The following ENAH variants were observed in gnomAD, a reference collection of about 807,000 sequenced individuals.
The protein encoded by ENAH is ENAH actin regulator.
A neutral mutation model predicts 78.7 loss-of-function variants in ENAH; 23 were observed. The ratio of observed to expected loss-of-function variants is 0.29; its 90% confidence interval spans 0.21 to 0.41. ENAH has a LOEUF of 0.41. Among genes scored for constraint, ENAH ranks in the 10% least tolerant of loss-of-function variants. ENAH has a pLI of 1.00. For missense variants in ENAH, 544 were observed against 691.0 expected (o/e 0.79, Z 2.39); for synonymous variants, 226 against 241.0 (o/e 0.94, Z 0.58).
At chr1:225,627,701 G>A (rs1273173722) in intron 1 of ENAH, among the ~76,000 whole-genome samples, 1 of 152,178 alleles carries the variant, frequency 6.6e-6, no homozygotes, top group Admixed American at 6.5e-5. Context: ...TACCTCCAGA[G>A]TTGTTAATGA....
intron 1 of ENAH, among the ~76,000 whole-genome samples, chr1:225,576,268 T>C (rs1461390372): frequency 2.2e-5 from 3 of 138,814 alleles, no homozygotes; most frequent in Non-Finnish European, 3.1e-5. Context: ...AGAGTGAGAC[T>C]CTGTCTCAAA....
At chr1:225,621,149 A>T (rs1203022748) in intron 1 of ENAH, among the ~76,000 whole-genome samples, 1 of 152,208 alleles carries the variant, frequency 6.6e-6, no homozygotes, top group Non-Finnish European at 1.5e-5. Context: ...CCACTTGCCT[A>T]ATCATCTTTT....
intron 4 of ENAH, chr1:225,524,572 GC>G (rs2096491192): frequency 8.1e-6 from 8 of 983,548 alleles, no homozygotes; most frequent in Non-Finnish European, 9.7e-6. Context: ...ATATTACAAA[GC>G]CGCTGAGGCA....
intron 1 of ENAH, among the ~76,000 whole-genome samples, chr1:225,616,763 C>T (rs1655780181): frequency 6.6e-6 from 1 of 152,108 alleles, no homozygotes; most frequent in South Asian, 2.1e-4. Context: ...TTTATGGTTA[C>T]TGAGTTTCTA....
intron 2 of ENAH, among the ~76,000 whole-genome samples, chr1:225,557,855 T>C (rs499385): frequency 0.91 from 138,267 of 152,244 alleles, 62,954 homozygotes; most frequent in African/African-American, 0.96. Context: ...AATAAATGAC[T>C]TTTCATGTAA....
Position 225,555,094 on chromosome 1 carries a change from A to G in ENAH, c.172-11T>C, listed in dbSNP as rs751581806. The G allele has an allele frequency of 7.3e-6, 11 of 1,507,280 alleles. No homozygotes were observed. Among genetic ancestry groups the G allele is most frequent in the Admixed American group, 1.8e-5 (1 of 56,120 alleles). 93.4% of individuals were successfully genotyped at this position (1,507,280 alleles called of 1,614,324 possible). On this transcript the variant is annotated splice_polypyrimidine_tract_variant and intron_variant, in intron 2 of 13. Transcript: ENST00000366843. ...ACAGTTTATCACGACCTAAAAAATA[A>G]TAATTCTTTATAAAGTCAAACCAAT... is the stretch of plus-strand genomic sequence containing the variant.
chr1:225,588,224 A>C (rs1028837919), intron 1 of ENAH, among the ~76,000 whole-genome samples: 1 of 152,204 alleles, frequency 6.6e-6, no homozygotes, highest in Non-Finnish European at 1.5e-5. Context: ...ATGCATACAT[A>C]GGCAAGGCAC....
At chr1:225,599,007 CTT>C (rs1287667806) in intron 1 of ENAH, among the ~76,000 whole-genome samples, 1 of 152,166 alleles carries the variant, frequency 6.6e-6, no homozygotes, top group Non-Finnish European at 1.5e-5. Flanking sequence ...AATAATCAAA[CTT>C]AATTTCGCAA....
intron 1 of ENAH, among the ~76,000 whole-genome samples, chr1:225,589,286 C>T (rs1024099523): frequency 6.6e-6 from 1 of 151,986 alleles, no homozygotes; most frequent in African/African-American, 2.4e-5. Flanking sequence ...CTGTGCATTC[C>T]GCTATATATA....
At chr1:225,551,929 T>G (rs976966655) in intron 3 of ENAH, among the ~76,000 whole-genome samples, 1 of 152,120 alleles carries the variant, frequency 6.6e-6, no homozygotes, top group South Asian at 2.1e-4. Flanking sequence ...AGAAAGACAG[T>G]AGATGATTTC....
At chr1:225,570,170 C>CAAA (rs397937817) in intron 1 of ENAH, among the ~76,000 whole-genome samples, 3 of 121,318 alleles carry the variant, frequency 2.5e-5, no homozygotes, top group African/African-American at 6.3e-5. Context: ...TGCTCCATCT[C>CAAA]AAAAAAAAAA....
At chr1:225,593,942 A>G (rs2096890273) in intron 1 of ENAH, among the ~76,000 whole-genome samples, 1 of 152,224 alleles carries the variant, frequency 6.6e-6, no homozygotes, top group African/African-American at 2.4e-5. Flanking sequence ...GACTACTGGA[A>G]CCTACTGAAG....
chr1:225,574,019 C>A (rs566549677), intron 1 of ENAH, among the ~76,000 whole-genome samples: 32 of 152,230 alleles, frequency 2.1e-4, no homozygotes, highest in Admixed American at 2.0e-3. Flanking sequence ...ATTAGCATCA[C>A]GTCTGTTATG....
At chr1:225,513,771 C>T (rs1346885207) in intron 7 of ENAH, among the ~76,000 whole-genome samples, 1 of 152,042 alleles carries the variant, frequency 6.6e-6, no homozygotes, top group Non-Finnish European at 1.5e-5. Flanking sequence ...GCGGGTGGAT[C>T]ACCTGAGGTC....
intron 1 of ENAH, among the ~76,000 whole-genome samples, chr1:225,569,962 TTGGGAGGCCAAGGCAGG>T (rs984284601): frequency 1.3e-5 from 2 of 151,996 alleles, no homozygotes; most frequent in Non-Finnish European, 2.9e-5. Context: ...TCCCAGCACT[TTGGGAGGCCAAGGCAGG>T]TGGATCACCT....
chr1:225,517,243 G>A lies in ENAH; in HGVS notation c.866C>T (p.Pro289Leu). ...SVLGDSSASE[P>L]GLQAASQPAE... is the part of the protein sequence containing the mutation. ...CGGCTGAGAGGCTGCCTGCAAGCCT[G>A]GCTCAGAAGCAGAAGAGTCTCCCAG... is the stretch of plus-strand genomic sequence containing the variant. Residue 289 changes from proline (P) to leucine (L), a missense_variant, in exon 6 of 14, where the codon CCA (proline) becomes CTA (leucine). Around this residue, in one of 4 missense-constraint regions of ENAH, gnomAD observed 366 missense variants for 396.1 expected, o/e 0.92. Coordinates refer to ENST00000366843, the MANE Select transcript of ENAH (RefSeq NM_018212.6). 1 of 1,550,636 alleles carries A rather than the reference G, an allele frequency of 6.4e-7. No homozygotes were observed. Among genetic ancestry groups the A allele is most frequent in the East Asian group, 2.4e-5 (1 of 40,988 alleles).
chr1:225,591,790 A>AAAAAAAAAAAAAGG (rs1558871378), intron 1 of ENAH, among the ~76,000 whole-genome samples: 1 of 147,138 alleles, frequency 6.8e-6, no homozygotes, highest in African/African-American at 2.5e-5. Context: ...AAAAAAAAAA[A>AAAAAAAAAAAAAGG]GGGCTTCAAA....
At chr1:225,517,461 C>T (rs1230258259) in intron 5 of ENAH, 155 bp from the exon 6 acceptor site, 20 of 1,551,408 alleles carry the variant, frequency 1.3e-5, no homozygotes, top group East Asian at 4.9e-5. Flanking sequence ...CTGAGGTAGG[C>T]GGTGGAGACA....
chr1:225,571,371 T>C (rs185068924), intron 1 of ENAH, among the ~76,000 whole-genome samples: 1 of 150,502 alleles, frequency 6.6e-6, no homozygotes, highest in African/African-American at 2.4e-5. Context: ...AGACTCTGTC[T>C]CAAAAAAAAA....
Sources: gnomAD v4.1 joint callset for allele counts (sites outside exome capture counted in the v4.1 genomes callset) on GRCh38, gnomAD v4.1.1 for gene constraint, gnomAD v4.1.1 regional missense constraint, MANE v1.5 for transcripts, NCBI Gene and HGNC (gene_info 2026-07-23, HGNC 2026-07-21) for gene names.